The following PCDHA13 variants were observed in gnomAD, a reference collection of about 807,000 sequenced individuals.
PCDHA13 encodes the protein protocadherin alpha 13.
In PCDHA13, 54 loss-of-function variants were observed where a neutral mutation model predicts 64.8. The observed-to-expected ratio is 0.83, with a 90% CI of 0.67 to 1.04. The LOEUF (loss-of-function observed/expected upper bound fraction) is 1.04. PCDHA13 is among the 50% of genes least tolerant of loss of function. The pLI is 0.00. For synonymous variants in PCDHA13, 587 were observed against 564.4 expected, an observed-to-expected ratio of 1.04 and a Z score of -0.57; for missense variants, 1,248 against 1,254.3, an observed-to-expected ratio of 0.99 and a Z score of 0.08.
intron 1 of PCDHA13, among the ~76,000 whole-genome samples, chr5:140,886,245 A>G (rs1241977297): frequency 6.6e-6 from 1 of 152,046 alleles, no homozygotes; most frequent in Non-Finnish European, 1.5e-5. Context: ...GAAATAAATA[A>G]AAGTATCTCT....
intron 3 of PCDHA13, among the ~76,000 whole-genome samples, chr5:141,003,395 T>G (rs1217089473): frequency 6.6e-6 from 1 of 152,160 alleles, no homozygotes; most frequent in Non-Finnish European, 1.5e-5. Flanking sequence ...CACTGAAACC[T>G]CCGCCTCCCG....
chr5:140,887,236 A>G (rs575217506), intron 1 of PCDHA13, among the ~76,000 whole-genome samples: 53 of 151,920 alleles, frequency 3.5e-4, no homozygotes, highest in South Asian at 2.1e-3. Flanking sequence ...AGCTGAGACT[A>G]CCGGCGCCCG....
At chr5:140,976,423 T>C (rs1378184646) in intron 1 of PCDHA13, among the ~76,000 whole-genome samples, 22 of 151,886 alleles carry the variant, frequency 1.4e-4, no homozygotes, top group Admixed American at 1.3e-3. Context: ...CGGTGGCAGA[T>C]GCCTGTAATC....
At chr5:140,947,171 A>G (rs2094098405) in intron 1 of PCDHA13, among the ~76,000 whole-genome samples, 2 of 151,546 alleles carry the variant, frequency 1.3e-5, no homozygotes, top group Non-Finnish European at 3.0e-5. Context: ...AAAATGTGGT[A>G]TATATTCATG....
chr5:140,943,257 C>CAAAAA (rs1238620023), intron 1 of PCDHA13, among the ~76,000 whole-genome samples: 3 of 77,348 alleles, frequency 3.9e-5, no homozygotes, highest in Non-Finnish European at 5.0e-5. Context: ...GACTCTGTCT[C>CAAAAA]AAAAAAAAAA....
intron 3 of PCDHA13, among the ~76,000 whole-genome samples, chr5:140,989,470 C>T (rs1365588787): frequency 6.6e-6 from 1 of 152,148 alleles, no homozygotes; most frequent in African/African-American, 2.4e-5. Context: ...TGGAACTCCT[C>T]CTGGGAGGTG....
rs150360427 is a variant in PCDHA13 at position 140,892,912 on chromosome 5, T to C, written c.2394+8250T>C. Among the ~76,000 whole-genome samples, 3 of 152,298 alleles carry C rather than the reference T, an allele frequency of 2.0e-5. No homozygotes were observed. In the East Asian group the frequency reaches 5.8e-4, roughly 29 times the overall value. Reference sequence around the variant, plus strand: ...CAACCTTTCCCCATCCTCCTTTTCCTTCACCCTTCCCAGCCTCTGATAAGC... The same window carrying C: ...CAACCTTTCCCCATCCTCCTTTTCCCTCACCCTTCCCAGCCTCTGATAAGC... On this transcript the variant is annotated intron_variant, in intron 1 of 3. Coordinates refer to ENST00000289272, the MANE Select transcript of PCDHA13 (RefSeq NM_018904.3).
At chr5:140,905,408 C>G (rs1374273315) in intron 1 of PCDHA13, among the ~76,000 whole-genome samples, 1 of 152,142 alleles carries the variant, frequency 6.6e-6, no homozygotes, top group Non-Finnish European at 1.5e-5. Flanking sequence ...TATTTTTATA[C>G]CAGTACCATG....
At chr5:140,986,213 C>T (rs1554247816) in intron 3 of PCDHA13, among the ~76,000 whole-genome samples, 2 of 152,208 alleles carry the variant, frequency 1.3e-5, no homozygotes, top group Non-Finnish European at 2.9e-5. Context: ...TTACTGGCCC[C>T]TTTCTCTAGC....
At chr5:140,967,046 C>T in intron 1 of PCDHA13, 1 of 1,612,334 alleles carries the variant, frequency 6.2e-7, no homozygotes, top group African/African-American at 1.3e-5. Context: ...GGAGCTGGAC[C>T]TGACGAGTGG....
intron 1 of PCDHA13, among the ~76,000 whole-genome samples, chr5:140,911,380 T>C (rs1365945638): frequency 4.6e-5 from 7 of 152,212 alleles, no homozygotes; most frequent in African/African-American, 1.7e-4. Flanking sequence ...AGGCTGTGCA[T>C]GCACCTTTCA....
intron 1 of PCDHA13, among the ~76,000 whole-genome samples, chr5:140,943,257 C>CAAA (rs1238620023): frequency 1.0e-4 from 8 of 76,640 alleles, no homozygotes; most frequent in Admixed American, 6.0e-4. Context: ...GACTCTGTCT[C>CAAA]AAAAAAAAAA....
chr5:140,897,080 A>AT lies in PCDHA13; in HGVS notation c.2394+12424dup, dbSNP rs201233181. The stretch of plus-strand genomic sequence containing the variant: ...ATACTATGTCTTATTCATTTTTTCT[A>AT]TTTTTTATCCTCATTAAAAATCTCC... On this transcript the variant is annotated intron_variant, in intron 1 of 3. Transcript: ENST00000289272. 8.0e-3 allele frequency among the ~76,000 whole-genome samples: 1,212 copies of AT among 152,020 alleles called. 6 individuals carry two copies. Among genetic ancestry groups the AT allele is most frequent in the African/African-American group, 0.019 (783 of 41,452 alleles).
Position 141,010,415 on chromosome 5 carries a change from C to T in PCDHA13, c.*478C>T. ...ACGAGCCAGCTTAGACTAATTGGTA[C>T]AAGGAAGGCAAGAAAACAAAGACAA... On this transcript the variant is annotated 3_prime_UTR_variant, in exon 4 of 4. Transcript: ENST00000289272. 1 of 1,160,734 alleles carries T rather than the reference C, an allele frequency of 8.6e-7. No homozygotes were observed. 71.9% of individuals were successfully genotyped at this position (1,160,734 alleles called of 1,614,324 possible).
At chr5:140,979,843 A>G (rs1373380351) in intron 2 of PCDHA13, among the ~76,000 whole-genome samples, 1 of 152,246 alleles carries the variant, frequency 6.6e-6, no homozygotes, top group African/African-American at 2.4e-5. Context: ...TAATCTTCAA[A>G]CTTAAGCCCC....
In PCDHA13 at chr5:141,010,358, C is replaced by G; in HGVS notation, c.*421C>G. 1 of 1,488,620 alleles carries G rather than the reference C, an allele frequency of 6.7e-7. No homozygotes were observed. The highest frequency in any genetic ancestry group is 1.3e-5 in the South Asian group (1 of 76,158). 92.2% of individuals were successfully genotyped at this position (1,488,620 alleles called of 1,614,324 possible). On this transcript the variant is annotated 3_prime_UTR_variant, in exon 4 of 4. Transcript: ENST00000289272. ...GTGGCCACTGGGTATGTGTGGCTAC[C>G]GCGGGTATGCGAGTGCCAGATATTG...
rs187442653 is a variant in PCDHA13 at position 140,926,080 on chromosome 5, C to T, written c.2394+41418C>T. ...TCCCCTCCTTGTCGTCTCTATTGCC[C>T]TCTTGGCAGCTCCTGGGATACAAGA... On this transcript the variant is annotated intron_variant, in intron 1 of 3. Transcript: ENST00000289272. Among the ~76,000 whole-genome samples, 179 of 152,334 alleles carry T rather than the reference C, an allele frequency of 1.2e-3. 1 individual carries two copies. Among genetic ancestry groups the T allele is most frequent in the African/African-American group, 3.9e-3 (162 of 41,574 alleles).
At position 140,883,566 on chromosome 5, in the gene PCDHA13, C is replaced by A; in HGVS notation, c.1298C>A (p.Pro433His). The change falls in exon 1 of 4, where the codon CCT becomes CAT. Residue 433 changes from proline to histidine, a missense_variant. Coordinates refer to ENST00000289272, the MANE Select transcript of PCDHA13 (RefSeq NM_018904.3). ...GTGACCGCGCGGGACGGGGGCTCGCCTTCGCTGTGGGCCACGGCCAGCGTG... is the reference window on the plus strand; with the variant it reads ...GTGACCGCGCGGGACGGGGGCTCGCATTCGCTGTGGGCCACGGCCAGCGTG... The part of the protein sequence containing the change: ...LVVTARDGGS[P>H]SLWATASVSV... 1.2e-5 allele frequency: 19 copies of A among 1,614,176 alleles called. No individual in the cohort carries two copies. The highest frequency in any genetic ancestry group is 1.5e-5 in the Non-Finnish European group (18 of 1,180,024).
At chr5:141,003,324 C>T (rs909788744) in intron 3 of PCDHA13, among the ~76,000 whole-genome samples, 4 of 152,132 alleles carry the variant, frequency 2.6e-5, no homozygotes, top group African/African-American at 9.7e-5. Flanking sequence ...TTCCAGAGGG[C>T]AGGGTTTTTT....
Sources: gnomAD v4.1 joint callset for allele counts (sites outside exome capture counted in the v4.1 genomes callset) on GRCh38, gnomAD v4.1.1 for gene constraint, MANE v1.5 for transcripts, NCBI Gene and HGNC (gene_info 2026-07-23, HGNC 2026-07-21) for gene names.